Variants in DPP6 observed in about 807,000 individuals in gnomAD.
The protein encoded by DPP6 is A-type potassium channel modulatory protein DPP6.
Under a neutral mutation model 122.6 loss-of-function variants are expected in DPP6, and 69 were observed. The ratio of observed to expected loss-of-function variants is 0.56; its 90% confidence interval spans 0.46 to 0.69. DPP6 has a LOEUF of 0.69. Among genes scored for constraint, DPP6 ranks in the 30% least tolerant of loss-of-function variants. The pLI is 0.00. For missense variants in DPP6, 928 were observed against 1,116.9 expected (o/e 0.83, Z 2.41); for synonymous variants, 418 against 433.1 (o/e 0.97, Z 0.43).
Position 154,746,511 on chromosome 7 carries a change from T to C in DPP6, c.883+18624T>C, listed in dbSNP as rs369585569. On this transcript the variant is annotated intron_variant, in intron 8 of 25. Coordinates refer to ENST00000377770, the MANE Select transcript of DPP6 (RefSeq NM_130797.4). ...CTGTTTTGGAAATCCCCACCAGAAGTACCAGCAAATGCTTCTTAAGCTTCT... is the reference window on the plus strand; with the variant it reads ...CTGTTTTGGAAATCCCCACCAGAAGCACCAGCAAATGCTTCTTAAGCTTCT... Among the ~76,000 whole-genome samples the C allele has an allele frequency of 3.3e-5, 5 of 152,314 alleles. No homozygotes were observed. The East Asian group carries it at 7.7e-4, about 24-fold the overall frequency.
the DPP6 span, among the ~76,000 whole-genome samples, chr7:153,840,235 A>G: frequency 1.3e-5 from 2 of 152,326 alleles, no homozygotes; most frequent in African/African-American, 4.8e-5. Flanking sequence ...TACTAATTGC[A>G]TTAAAATATC....
chr7:154,617,796 G>C (rs1055723061), intron 5 of DPP6, among the ~76,000 whole-genome samples: 1 of 152,194 alleles, frequency 6.6e-6, no homozygotes, highest in African/African-American at 2.4e-5. Flanking sequence ...AAATGCTAGA[G>C]TCCAGGCCAA....
intron 2 of DPP6, among the ~76,000 whole-genome samples, chr7:154,467,680 A>G (rs903693158): frequency 1.3e-5 from 2 of 152,136 alleles, no homozygotes; most frequent in Non-Finnish European, 2.9e-5. Flanking sequence ...TATTTGTTTC[A>G]TACTCCCTCT....
intron 1 of DPP6, among the ~76,000 whole-genome samples, chr7:154,268,168 A>G (rs1042467594): frequency 2.0e-5 from 3 of 152,184 alleles, no homozygotes; most frequent in Non-Finnish European, 4.4e-5. Flanking sequence ...TGTTTCTATG[A>G]GGAATAAAAG....
At chr7:154,498,875 G>C (rs2151404387) in intron 3 of DPP6, among the ~76,000 whole-genome samples, 1 of 152,310 alleles carries the variant, frequency 6.6e-6, no homozygotes, top group South Asian at 2.1e-4. Flanking sequence ...AATGTCCCCT[G>C]AGAGGGCAAA....
In DPP6 at chr7:154,808,407, A is replaced by G. The variant is rs541209815; in HGVS notation, c.1666+1295A>G. Among the ~76,000 whole-genome samples the G allele has an allele frequency of 6.8e-4, 103 of 152,292 alleles. 1 individual carries two copies. The highest frequency in any genetic ancestry group is 1.3e-3 in the Non-Finnish European group (91 of 68,016). ...GGGATGAGGGGGGTGCGACTGAAAT[A>G]TAACATTAGTGCCCCAGTCCCCGCA... On this transcript the variant is annotated intron_variant, in intron 16 of 25. Coordinates refer to ENST00000377770, the MANE Select transcript of DPP6 (RefSeq NM_130797.4).
At chr7:153,925,895 T>A (rs1800876426) in intron 1 of DPP6, among the ~76,000 whole-genome samples, 1 of 152,196 alleles carries the variant, frequency 6.6e-6, no homozygotes, top group African/African-American at 2.4e-5. Context: ...TCTGGTATAT[T>A]TCCAGTTACA....
chr7:154,305,150 G>T, intron 1 of DPP6: 1 of 727,228 alleles, frequency 1.4e-6, no homozygotes, highest in Non-Finnish European at 1.7e-6. Flanking sequence ...CGAGGAGGCA[G>T]CGCGCATCAC....
At chr7:153,839,590 A>G in the DPP6 span, among the ~76,000 whole-genome samples, 2 of 152,236 alleles carry the variant, frequency 1.3e-5, no homozygotes, top group Non-Finnish European at 2.9e-5. Context: ...CTGAAGTCAC[A>G]GCTGCATGGA....
chr7:153,762,085 A>G, the DPP6 span, among the ~76,000 whole-genome samples: 1 of 152,142 alleles, frequency 6.6e-6, no homozygotes, highest in Non-Finnish European at 1.5e-5. Flanking sequence ...TGTAAAAAAC[A>G]TTTTCCGCTT....
intron 1 of DPP6, among the ~76,000 whole-genome samples, chr7:153,964,978 C>CCTTCCTTCCTT (rs1795606644): frequency 1.4e-5 from 1 of 71,232 alleles, no homozygotes; most frequent in African/African-American, 9.9e-5. Flanking sequence ...CATTTCTTTT[C>CCTTCCTTCCTT]CCTTCCTTCC....
intron 1 of DPP6, among the ~76,000 whole-genome samples, chr7:154,429,665 T>G (rs1191144526): frequency 6.6e-6 from 1 of 152,124 alleles, no homozygotes; most frequent in Non-Finnish European, 1.5e-5. Context: ...CATGGTTGAA[T>G]ATGGAGAAAC....
intron 1 of DPP6, among the ~76,000 whole-genome samples, chr7:154,224,749 T>A (rs1365181788): frequency 6.7e-6 from 1 of 149,552 alleles, no homozygotes; most frequent in Non-Finnish European, 1.5e-5. Context: ...AGATTTCTAG[T>A]AATGTCCACA....
At chr7:154,202,808 A>G (rs1206540190) in intron 1 of DPP6, among the ~76,000 whole-genome samples, 1 of 152,200 alleles carries the variant, frequency 6.6e-6, no homozygotes, top group East Asian at 1.9e-4. Context: ...TTGCAGGCAA[A>G]TAACAAAGGC....
chr7:153,964,880 TC>T (rs1795581218), intron 1 of DPP6, among the ~76,000 whole-genome samples: 4 of 143,054 alleles, frequency 2.8e-5, no homozygotes. Context: ...TTCCTTTTTT[TC>T]TTTCTTCCCT....
chr7:154,880,500 C>G (rs2150669875), intron 20 of DPP6, among the ~76,000 whole-genome samples: 1 of 152,336 alleles, frequency 6.6e-6, no homozygotes, highest in East Asian at 1.9e-4. Context: ...CTGCCGACCC[C>G]TAAGGCTCAT....
At chr7:154,709,586 C>CTTT (rs3080667) in intron 7 of DPP6, among the ~76,000 whole-genome samples, 128 of 141,588 alleles carry the variant, frequency 9.0e-4, no homozygotes, top group Middle Eastern at 7.2e-3. Context: ...CGACATTTTT[C>CTTT]TTTTTTTTTT....
rs1337264972 is a variant in DPP6, at chr7:154,325,312, G to A, written c.244-120902G>A. On this transcript the variant is annotated intron_variant, in intron 1 of 25. Transcript: ENST00000377770. ...CACCCAGTGTCTCACCAGCCATTCT[G>A]CTCAGATGGGATGTAGGGCCTATAT... Among the ~76,000 whole-genome samples, 3 of 152,264 alleles carry A rather than the reference G, an allele frequency of 2.0e-5. No individual in the cohort carries two copies. The East Asian group carries it at 5.8e-4, about 29-fold the overall frequency.
At chr7:154,558,270 G>A (rs1055215503) in intron 4 of DPP6, among the ~76,000 whole-genome samples, 1 of 152,076 alleles carries the variant, frequency 6.6e-6, no homozygotes, top group Admixed American at 6.5e-5. Flanking sequence ...GTTAATTATT[G>A]ACCTTTATAT....
Sources: gnomAD v4.1 joint callset for allele counts (sites outside exome capture counted in the v4.1 genomes callset) on GRCh38, gnomAD v4.1.1 for gene constraint, MANE v1.5 for transcripts, NCBI Gene and HGNC (gene_info 2026-07-23, HGNC 2026-07-21) for gene names.